Variants in NPIPB13 observed in about 807,000 individuals in gnomAD.
NPIPB13 encodes the protein nuclear pore complex-interacting protein family member B13.
At chr16:30,244,464 ACT>A (rs2073601347) in intron 2 of NPIPB13, among the ~76,000 whole-genome samples, 1 of 97,072 alleles carries the variant, frequency 1.0e-5, no homozygotes, top group South Asian at 3.9e-4. Flanking sequence ...ACAGAGTGAA[ACT>A]CTGTCTCAAA....
chr16:30,238,142 CAT>C (rs2073578999), intron 2 of NPIPB13, among the ~76,000 whole-genome samples: 1 of 122,484 alleles, frequency 8.2e-6, no homozygotes, highest in Admixed American at 7.6e-5. Flanking sequence ...AGTGGTGCCA[CAT>C]GTCTGTAATC....
intron 2 of NPIPB13, among the ~76,000 whole-genome samples, chr16:30,237,410 G>A (rs1411989263): frequency 8.5e-4 from 6 of 7,018 alleles, no homozygotes; most frequent in Non-Finnish European, 1.6e-3. Context: ...ACTTGAACCC[G>A]GGAGGCAGAG....
At chr16:30,232,458 CT>C (rs1232476295) in intron 3 of NPIPB13, among the ~76,000 whole-genome samples, 102 of 140,708 alleles carry the variant, frequency 7.2e-4, no homozygotes, top group African/African-American at 2.2e-3. Context: ...AATTGAAACT[CT>C]TGTCTCAAAA....
intron 7 of NPIPB13, chr16:30,226,459 CCT>C: frequency 1.5e-5 from 2 of 136,450 alleles, no homozygotes; most frequent in South Asian, 7.5e-5. Context: ...TCTCATTTCC[CCT>C]CTGTTTCCCT....
At chr16:30,244,721 T>C (rs1213456670) in intron 2 of NPIPB13, among the ~76,000 whole-genome samples, 40 of 74,140 alleles carry the variant, frequency 5.4e-4, no homozygotes, top group African/African-American at 1.9e-3. Flanking sequence ...ATAAATGTGA[T>C]GTGGTTAACT....
At chr16:30,244,483 A>ATATG (rs1366880166) in intron 2 of NPIPB13, among the ~76,000 whole-genome samples, 1 of 89,414 alleles carries the variant, frequency 1.1e-5, no homozygotes, top group African/African-American at 4.4e-5. Context: ...CAAAAAATAT[A>ATATG]TGTGTGTGTG....
At chr16:30,245,123 A>T (rs2073607311) in intron 2 of NPIPB13, among the ~76,000 whole-genome samples, 1 of 152,312 alleles carries the variant, frequency 6.6e-6, no homozygotes, top group South Asian at 2.1e-4. Context: ...TGCTGGGATT[A>T]CAGGCATGAG....
At chr16:30,229,372 CAG>C (rs1237422690) in intron 5 of NPIPB13, among the ~76,000 whole-genome samples, 2 of 10,752 alleles carry the variant, frequency 1.9e-4, no homozygotes, top group South Asian at 1.7e-3. Context: ...CGCTAGGAAA[CAG>C]GGGCGAAAAC....
intron 3 of NPIPB13, among the ~76,000 whole-genome samples, chr16:30,232,538 C>A (rs1479635266): frequency 9.1e-6 from 1 of 109,782 alleles, no homozygotes; most frequent in Non-Finnish European, 2.1e-5. Flanking sequence ...GAGGCCGAGG[C>A]AGGTGAATCA....
intron 2 of NPIPB13, among the ~76,000 whole-genome samples, chr16:30,238,544 G>T (rs1308575520): frequency 1.8e-4 from 9 of 50,046 alleles, no homozygotes; most frequent in Non-Finnish European, 2.9e-4. Context: ...GTAGTGGCGG[G>T]CGCCTGTAGT....
At chr16:30,246,372 G>A (rs1385265147), upstream of NPIPB13, among the ~76,000 whole-genome samples, 1 of 151,714 alleles carries the variant, frequency 6.6e-6, no homozygotes, top group Non-Finnish European at 1.5e-5. Context: ...AAGTACACAT[G>A]ATTGCCAGCT....
At chr16:30,238,361 G>C in intron 2 of NPIPB13, among the ~76,000 whole-genome samples, 1 of 93,464 alleles carries the variant, frequency 1.1e-5, no homozygotes, top group Non-Finnish European at 2.3e-5. Context: ...ACTTTCCAAA[G>C]TTAGTAAACT....
chr16:30,232,863 A>C (rs1318978010), intron 3 of NPIPB13, among the ~76,000 whole-genome samples: 3 of 26,686 alleles, frequency 1.1e-4, no homozygotes, highest in East Asian at 1.0e-3. Context: ...TAAGTATTTT[A>C]CCACAGGTTA....
chr16:30,232,572 C>T (rs62055392), intron 3 of NPIPB13, among the ~76,000 whole-genome samples: 232 of 78,392 alleles, frequency 3.0e-3, no homozygotes, highest in Non-Finnish European at 6.0e-3. Flanking sequence ...TGGAGACCAT[C>T]CTGGGCAACA....
At chr16:30,232,470 A>G (rs1173693798) in intron 3 of NPIPB13, among the ~76,000 whole-genome samples, 1 of 147,766 alleles carries the variant, frequency 6.8e-6, no homozygotes, top group Non-Finnish European at 1.5e-5. Flanking sequence ...TGTCTCAAAA[A>G]AAAAAAAAAA....
chr16:30,232,465 CAAAAAAAA>C (rs141086998), intron 3 of NPIPB13, among the ~76,000 whole-genome samples: 4 of 115,330 alleles, frequency 3.5e-5, no homozygotes, highest in Non-Finnish European at 7.8e-5. Context: ...ACTCTTGTCT[CAAAAAAAA>C]AAAAAAAAAA....
At chr16:30,237,640 C>A (rs2073575233) in intron 2 of NPIPB13, among the ~76,000 whole-genome samples, 1 of 36,332 alleles carries the variant, frequency 2.8e-5, no homozygotes, top group Non-Finnish European at 6.5e-5. Flanking sequence ...CTTGTGATAA[C>A]ATTTCTACGT....
chr16:30,232,399 G>T (rs1180820218), intron 3 of NPIPB13, among the ~76,000 whole-genome samples: 3 of 139,120 alleles, frequency 2.2e-5, no homozygotes, highest in Non-Finnish European at 4.9e-5. Flanking sequence ...AGCAGGAAAA[G>T]CTTGTGGTGA....
chr16:30,244,734 TTTA>T (rs2073604043), intron 2 of NPIPB13, among the ~76,000 whole-genome samples: 1 of 79,862 alleles, frequency 1.3e-5, no homozygotes, highest in Non-Finnish European at 2.5e-5. Flanking sequence ...GGTTAACTCT[TTTA>T]TTCAAAGTTA....
Sources: gnomAD v4.1 joint callset for allele counts (sites outside exome capture counted in the v4.1 genomes callset) on GRCh38, gnomAD v4.1.1 for gene constraint, MANE v1.5 for transcripts, NCBI Gene and HGNC (gene_info 2026-07-23, HGNC 2026-07-21) for gene names.